The following LRFN5 variants were observed in gnomAD, a reference collection of about 807,000 sequenced individuals.
LRFN5 encodes the protein leucine-rich repeat and fibronectin type-III domain-containing protein 5.
In LRFN5, 24 loss-of-function variants were observed where a neutral mutation model predicts 45.6. The observed-to-expected ratio is 0.53, with a 90% CI of 0.38 to 0.74. The LOEUF is 0.74. LRFN5 is among the 30% of genes least tolerant of loss of function. The pLI, the probability that LRFN5 is intolerant of heterozygous loss-of-function variation, is 0.00. For synonymous variants in LRFN5, 340 were observed against 313.8 expected (o/e 1.08, Z -0.88); for missense variants, 776 against 861.5 (o/e 0.90, Z 1.24).
At chr14:41,732,968 T>G (rs1884245691) in intron 1 of LRFN5, among the ~76,000 whole-genome samples, 1 of 151,656 alleles carries the variant, frequency 6.6e-6, no homozygotes, top group African/African-American at 2.4e-5. Context: ...GAGGGATTTA[T>G]AGAAAGATTT....
Position 41,879,502 on chromosome 14 carries a change from T to C in LRFN5, c.-20-7104T>C, listed in dbSNP as rs188415408. ...ATCTTCTCCTTGTCTTCCTTCTTTC[T>C]ATTTTTCTCTCTTTCTATATATGTG... is the stretch of plus-strand genomic sequence containing the variant. On this transcript the variant is annotated intron_variant, in intron 2 of 5. Transcript: ENST00000298119. Among the ~76,000 whole-genome samples the C allele has an allele frequency of 5.3e-5, 8 of 151,878 alleles. No homozygotes were observed. The East Asian group carries it at 1.6e-3, about 29-fold the overall frequency.
intron 1 of LRFN5, among the ~76,000 whole-genome samples, chr14:41,761,522 A>G (rs1033931241): frequency 2.0e-5 from 3 of 152,156 alleles, no homozygotes; most frequent in African/African-American, 4.8e-5. Flanking sequence ...CAAACCACTA[A>G]GAGCGACAAT....
Position 41,607,808 on chromosome 14 carries a change from T to G in LRFN5, c.-951T>G, listed in dbSNP as rs1026771953. 3 of 150,874 alleles carry G rather than the reference T, an allele frequency of 2.0e-5. No homozygotes were observed. Among genetic ancestry groups the G allele is most frequent in the Non-Finnish European group, 4.4e-5 (3 of 67,660 alleles). 9.3% of individuals were successfully genotyped at this position (150,874 alleles called of 1,614,324 possible). On this transcript the variant is annotated 5_prime_UTR_variant, in exon 1 of 6. Transcript: ENST00000298119. ...AGGTCAAGAGAGTGTCTTGCAGCCC[T>G]CTTGTTTCCGTGTATCTACACCTTC... is the stretch of plus-strand genomic sequence containing the variant.
chr14:41,632,517 T>A (rs945335827), intron 1 of LRFN5, among the ~76,000 whole-genome samples: 1 of 152,088 alleles, frequency 6.6e-6, no homozygotes, highest in Non-Finnish European at 1.5e-5. Context: ...GGAGGAGAAT[T>A]TCTTGAACCC....
chr14:41,663,850 C>T (rs1293959222), intron 1 of LRFN5, among the ~76,000 whole-genome samples: 1 of 151,840 alleles, frequency 6.6e-6, no homozygotes, highest in African/African-American at 2.4e-5. Flanking sequence ...AAGATGAACT[C>T]ATATAAAAAT....
rs144334846 is a variant in LRFN5, at chr14:41,882,890, C to G, written c.-20-3716C>G. ...TTGAGATGGATTCTCGTTCTGTCAC[C>G]CAGGCTGGAGTGTAATGGCGCGATC... is the stretch of plus-strand genomic sequence containing the variant. On this transcript the variant is annotated intron_variant, in intron 2 of 5. Coordinates refer to ENST00000298119, the MANE Select transcript of LRFN5 (RefSeq NM_152447.5). Among the ~76,000 whole-genome samples, 1,135 of 143,586 alleles carry G rather than the reference C, an allele frequency of 7.9e-3. 14 individuals are homozygous for G. Among genetic ancestry groups the G allele is most frequent in the African/African-American group, 0.027 (1,090 of 39,730 alleles). 94.2% of individuals were successfully genotyped at this position (143,586 alleles called of 152,430 possible).
intron 2 of LRFN5, among the ~76,000 whole-genome samples, chr14:41,782,279 C>T (rs2138921651): frequency 6.6e-6 from 1 of 151,684 alleles, no homozygotes; most frequent in Non-Finnish European, 1.5e-5. Flanking sequence ...ATTGACATTT[C>T]TCAAACTTGT....
intron 2 of LRFN5, among the ~76,000 whole-genome samples, chr14:41,786,803 T>G (rs893433370): frequency 6.6e-6 from 1 of 152,018 alleles, no homozygotes; most frequent in Non-Finnish European, 1.5e-5. Context: ...ATTTCTTTAT[T>G]TTTTTGGTTC....
intron 1 of LRFN5, among the ~76,000 whole-genome samples, chr14:41,713,899 G>A (rs1029971192): frequency 1.3e-5 from 2 of 152,054 alleles, no homozygotes; most frequent in African/African-American, 4.8e-5. Context: ...TTTTCTTAAT[G>A]TGAGTTAGAA....
chr14:41,818,642 C>A (rs1241781), intron 2 of LRFN5, among the ~76,000 whole-genome samples: 63,863 of 151,834 alleles, frequency 0.42, 14,099 homozygotes, highest in Non-Finnish European at 0.5. Context: ...GTTGTGGCTA[C>A]TTCTCTTGTT....
At chr14:41,795,209 A>G (rs1887075791) in intron 2 of LRFN5, among the ~76,000 whole-genome samples, 1 of 152,110 alleles carries the variant, frequency 6.6e-6, no homozygotes, top group African/African-American at 2.4e-5. Context: ...AAGAAATGCA[A>G]ATCAAAACCA....
At chr14:41,730,408 G>T (rs1004140302) in intron 1 of LRFN5, among the ~76,000 whole-genome samples, 2 of 151,822 alleles carry the variant, frequency 1.3e-5, no homozygotes, top group Admixed American at 6.6e-5. Context: ...ACACTTTAGT[G>T]GCAATGCACT....
intron 1 of LRFN5, among the ~76,000 whole-genome samples, chr14:41,671,620 T>G (rs1594600263): frequency 7.8e-6 from 1 of 127,406 alleles, no homozygotes; most frequent in Non-Finnish European, 1.6e-5. Context: ...TTTTTTCGTT[T>G]TTTTTTTTTT....
intron 1 of LRFN5, among the ~76,000 whole-genome samples, chr14:41,694,019 A>G (rs950137965): frequency 6.6e-6 from 1 of 151,908 alleles, no homozygotes; most frequent in Non-Finnish European, 1.5e-5. Context: ...AGCTATTGAA[A>G]TGTTTGTATA....
chr14:41,832,445 A>G (rs1171459818), intron 2 of LRFN5, among the ~76,000 whole-genome samples: 1 of 152,184 alleles, frequency 6.6e-6, no homozygotes, highest in Non-Finnish European at 1.5e-5. Flanking sequence ...TTTTAATTTA[A>G]TAAAAACATT....
intron 4 of LRFN5, chr14:41,892,837 A>T: frequency 1.0e-6 from 1 of 985,352 alleles, no homozygotes; most frequent in African/African-American, 1.7e-5. Flanking sequence ...ACAAATTCCT[A>T]TGCATCTACA....
intron 4 of LRFN5, among the ~76,000 whole-genome samples, chr14:41,896,700 T>C (rs1890951026): frequency 6.6e-6 from 1 of 152,182 alleles, no homozygotes; most frequent in Non-Finnish European, 1.5e-5. Context: ...GGATTATTAA[T>C]AAAATTAGTT....
chr14:41,879,123 G>GT (rs1354035942), intron 2 of LRFN5, among the ~76,000 whole-genome samples: 1 of 151,690 alleles, frequency 6.6e-6, no homozygotes, highest in African/African-American at 2.4e-5. Context: ...CTAAATTACC[G>GT]TATCTGTATA....
intron 2 of LRFN5, among the ~76,000 whole-genome samples, chr14:41,821,227 A>G (rs982236313): frequency 6.6e-6 from 1 of 152,034 alleles, no homozygotes; most frequent in Non-Finnish European, 1.5e-5. Flanking sequence ...CCTGTTCAGT[A>G]TGATATTGGC....
Sources: allele counts gnomAD v4.1 joint callset (sites outside exome capture counted in the v4.1 genomes callset), GRCh38; gene constraint gnomAD v4.1.1; transcripts MANE v1.5; gene names NCBI Gene and HGNC (gene_info 2026-07-23, HGNC 2026-07-21).